Variants in HECTD4 observed in about 807,000 individuals in gnomAD.
The protein encoded by HECTD4 is HECT domain E3 ubiquitin protein ligase 4, also known as probable E3 ubiquitin-protein ligase HECTD4.
Under a neutral mutation model 471.5 loss-of-function variants are expected in HECTD4, and 114 were observed. The ratio of observed to expected loss-of-function variants is 0.24; its 90% CI spans 0.21 to 0.28. The LOEUF (loss-of-function observed/expected upper bound fraction) is 0.28, where lower values mean the gene tolerates loss of function less well. Among genes scored for constraint, HECTD4 ranks in the 10% least tolerant of loss-of-function variants. The pLI is 1.00. For synonymous variants in HECTD4, 2,012 were observed against 2,256.0 expected (o/e 0.89, Z 3.07); for missense variants, 3,866 against 5,651.5 (o/e 0.68, Z 10.13).
rs554434035 is a variant in HECTD4 at position 112,333,091 on chromosome 12, T to G, written c.178-13349A>C. On this transcript the variant is annotated intron_variant, in intron 1 of 75. Coordinates refer to ENST00000682272, the MANE Select transcript of HECTD4 (RefSeq NM_001388303.1). Reference sequence around the variant, plus strand: ...TTTGTATAGCTAGACCACATTTTATTTATCTATTCATCAGTTGATGGACAT... The same window carrying G: ...TTTGTATAGCTAGACCACATTTTATGTATCTATTCATCAGTTGATGGACAT... Among the ~76,000 whole-genome samples, 10 of 152,370 alleles carry G rather than the reference T, an allele frequency of 6.6e-5. No homozygotes were observed. In the South Asian group the frequency reaches 1.7e-3, roughly 25 times the overall value.
chr12:112,192,484 C>T, intron 59 of HECTD4, 76 bp downstream of exon 59: 1 of 1,169,950 alleles, frequency 8.5e-7, no homozygotes, highest in Non-Finnish European at 1.2e-6. Context: ...GTACAAAATT[C>T]ATTATAGCTT....
At chr12:112,346,596 T>C (rs972154008) in intron 1 of HECTD4, among the ~76,000 whole-genome samples, 3 of 152,182 alleles carry the variant, frequency 2.0e-5, no homozygotes, top group Non-Finnish European at 2.9e-5. Flanking sequence ...AGACCATCTA[T>C]AGTTGAAGCT....
At chr12:112,170,850 A>T in intron 68 of HECTD4, 2 of 488,062 alleles carry the variant, frequency 4.1e-6, no homozygotes, top group East Asian at 7.0e-5. Flanking sequence ...GCCAGATAGT[A>T]AACAGACCTT....
intron 48 of HECTD4, among the ~76,000 whole-genome samples, chr12:112,214,128 T>C (rs1456416035): frequency 1.3e-5 from 2 of 152,168 alleles, no homozygotes; most frequent in African/African-American, 4.8e-5. Flanking sequence ...CTTATAAGCA[T>C]TTAAGGCATT....
intron 52 of HECTD4, among the ~76,000 whole-genome samples, chr12:112,207,100 A>T (rs1385298994): frequency 1.3e-5 from 2 of 150,118 alleles, no homozygotes; most frequent in Non-Finnish European, 2.9e-5. Context: ...CTGTTTGTTT[A>T]TGTATATGTG....
intron 1 of HECTD4, among the ~76,000 whole-genome samples, chr12:112,371,817 C>T (rs1261600413): frequency 3.7e-5 from 5 of 135,882 alleles, no homozygotes. Context: ...ACCCGGGAGG[C>T]GGAGGTTGCG....
At chr12:112,357,062 A>C (rs921637974) in intron 1 of HECTD4, among the ~76,000 whole-genome samples, 3 of 152,206 alleles carry the variant, frequency 2.0e-5, no homozygotes, top group African/African-American at 7.2e-5. Flanking sequence ...CCAAGTTCAC[A>C]GTAATGACCA....
At chr12:112,226,508 T>G in intron 44 of HECTD4, 135 bp downstream of exon 44, 1 of 497,050 alleles carries the variant, frequency 2.0e-6, no homozygotes, top group Non-Finnish European at 3.6e-6. Flanking sequence ...GCACGTGAGT[T>G]GTGACAGGTG....
intron 55 of HECTD4, among the ~76,000 whole-genome samples, chr12:112,200,006 C>A (rs138265312): frequency 3.0e-4 from 45 of 152,332 alleles, no homozygotes; most frequent in African/African-American, 1.1e-3. Flanking sequence ...GTCTAGACGG[C>A]AAGACCTCTT....
Position 112,243,600 on chromosome 12 carries a change from G to T in HECTD4, c.4791+20C>A. ...TGCTGTTAGGTGCTATTCATCTGGA[G>T]CCCGCAAAATGTGACGTACAGCTTG... On this transcript the variant is annotated intron_variant, in intron 31 of 75. Transcript: ENST00000682272. The surrounding 1 kb of genome is among the most constrained non-coding windows in gnomAD (Gnocchi z 6.6). 2 of 1,606,240 alleles carry T rather than the reference G, an allele frequency of 1.2e-6. No individual in the cohort carries two copies. The highest frequency in any genetic ancestry group is 1.7e-6 in the Non-Finnish European group (2 of 1,175,556).
chr12:112,237,154 TGAGCCTGAGGGGGCGGC>T, intron 34 of HECTD4, 56 bp from the exon 35 acceptor site: 1 of 1,487,100 alleles, frequency 6.7e-7, no homozygotes, highest in East Asian at 2.5e-5. Context: ...GGTGCCATGG[TGAGCCTGAGGGGGCGGC>T]GAGCCCTGTC....
intron 1 of HECTD4, among the ~76,000 whole-genome samples, chr12:112,376,830 A>G (rs1023725353): frequency 1.3e-5 from 2 of 152,006 alleles, no homozygotes; most frequent in Non-Finnish European, 2.9e-5. Context: ...AAAACAGGAC[A>G]GGCTGGGTGC....
chr12:112,339,684 TAC>T (rs1307718751), intron 1 of HECTD4, among the ~76,000 whole-genome samples: 1 of 152,122 alleles, frequency 6.6e-6, no homozygotes, highest in East Asian at 1.9e-4. Context: ...ACCTTTTAAA[TAC>T]AGACAGTCCC....
intron 1 of HECTD4, among the ~76,000 whole-genome samples, chr12:112,358,330 T>A (rs1429506602): frequency 1.3e-5 from 2 of 152,072 alleles, no homozygotes; most frequent in African/African-American, 2.4e-5. Context: ...TAAAAAGTAT[T>A]AAGAGCTGGG....
chr12:112,185,282 C>T lies in HECTD4; in HGVS notation c.9684G>A (p.Gln3228=). ...ELHKLYDEET[Q]NWVSGGACGG... is the part of the protein sequence containing the mutation. ...CGCAGGCGCCGCCTGAGACCCAGTT[C>T]TGCGTCTCCTCGTCGTACAGCTTGT... The change falls in exon 61 of 76, where the codon CAG becomes CAA. Residue 3228 remains glutamine, a synonymous_variant. Coordinates refer to ENST00000682272, the MANE Select transcript of HECTD4 (RefSeq NM_001388303.1). 1 of 1,552,854 alleles carries T rather than the reference C, an allele frequency of 6.4e-7. No homozygotes were observed.
chr12:112,324,825 G>T (rs989745345), intron 1 of HECTD4, among the ~76,000 whole-genome samples: 1 of 152,024 alleles, frequency 6.6e-6, no homozygotes, highest in African/African-American at 2.4e-5. Context: ...AAATAATAAA[G>T]TTTTTGGCAC....
At chr12:112,372,203 C>A (rs2135763503) in intron 1 of HECTD4, among the ~76,000 whole-genome samples, 1 of 151,334 alleles carries the variant, frequency 6.6e-6, no homozygotes, top group East Asian at 2.0e-4. Context: ...TCTTCCAGCT[C>A]CTGGACTCAA....
chr12:112,169,714 C>T, intron 69 of HECTD4, 56 bp from the exon 70 acceptor site: 1 of 1,598,792 alleles, frequency 6.3e-7, no homozygotes, highest in African/African-American at 1.3e-5. Flanking sequence ...CTCTCCCCTC[C>T]CCTTGAGGAC....
At chr12:112,297,469 C>T (rs1417578685) in intron 7 of HECTD4, among the ~76,000 whole-genome samples, 2 of 151,770 alleles carry the variant, frequency 1.3e-5, no homozygotes, top group Non-Finnish European at 2.9e-5. Flanking sequence ...CATTCAGCAC[C>T]TCTATAGAAG....
Sources: gnomAD v4.1 joint callset for allele counts (sites outside exome capture counted in the v4.1 genomes callset) on GRCh38, gnomAD v4.1.1 for gene constraint, Gnocchi (gnomAD v3.1) non-coding constraint, MANE v1.5 for transcripts, NCBI Gene and HGNC (gene_info 2026-07-23, HGNC 2026-07-21) for gene names.